Variants in ASB2 observed in about 807,000 individuals in gnomAD.
The protein encoded by ASB2 is ankyrin repeat and SOCS box protein 2.
ASB2 carries 58 observed loss-of-function variants against 62.4 expected under a neutral mutation model. The observed-to-expected ratio is 0.93, with a 90% confidence interval of 0.75 to 1.16. The LOEUF (loss-of-function observed/expected upper bound fraction) is 1.16, where lower values mean the gene tolerates loss of function less well. ASB2 is among the 50% of genes most tolerant of loss of function. The probability of loss-of-function intolerance (pLI) is 0.00; values close to 1 mark genes in which losing one functional copy is unlikely to be tolerated. For missense variants in ASB2, 928 were observed against 887.9 expected, an observed-to-expected ratio of 1.05 and a Z score of -0.57; for synonymous variants, 386 against 385.3, an observed-to-expected ratio of 1.00 and a Z score of -0.02.
chr14:93,966,368 A>T (rs1209298179), intron 1 of ASB2, among the ~76,000 whole-genome samples: 1 of 152,202 alleles, frequency 6.6e-6, no homozygotes, highest in Non-Finnish European at 1.5e-5. Flanking sequence ...AGTTTTATCC[A>T]AAGAGTTATA....
At chr14:93,938,163 T>A (rs1888341299) in intron 8 of ASB2, among the ~76,000 whole-genome samples, 1 of 151,072 alleles carries the variant, frequency 6.6e-6, no homozygotes, top group South Asian at 2.1e-4. Flanking sequence ...AGCCCATGAA[T>A]GATCGCCATT....
Position 93,934,726 on chromosome 14 carries a change from A to C in ASB2, c.1838T>G (p.Ile613Arg), listed in dbSNP as rs537926140. 6.2e-7 allele frequency: 1 copy of C among 1,614,008 alleles called. No individual in the cohort carries two copies. Among genetic ancestry groups the C allele is most frequent in the Admixed American group, 1.7e-5 (1 of 60,020 alleles). ...RVRKAIGKYRIKLLDTLPLPG... is the reference protein window; with the variant it reads ...RVRKAIGKYRRKLLDTLPLPG... ...GAGCGGCAAGGTGTCTAGGAGTTTT[A>C]TACGGTATTTCCCAATGGCCTTTCG... The change falls in exon 10 of 10, where the codon ATA becomes AGA. Residue 613 changes from isoleucine (I) to arginine (R), a missense_variant. Coordinates refer to ENST00000555019, the MANE Select transcript of ASB2 (RefSeq NM_001202429.2).
chr14:93,956,525 G>C (rs560522834), intron 3 of ASB2, among the ~76,000 whole-genome samples: 3 of 151,956 alleles, frequency 2.0e-5, no homozygotes, highest in Non-Finnish European at 4.4e-5. Context: ...GCATCTGAGG[G>C]GGGGATCACC....
intron 2 of ASB2, chr14:93,957,084 G>C: frequency 6.9e-7 from 1 of 1,440,214 alleles, no homozygotes; most frequent in Non-Finnish European, 9.1e-7. Context: ...AGGAAGCCCT[G>C]GGAGATTTAA....
intron 6 of ASB2, among the ~76,000 whole-genome samples, chr14:93,950,216 G>A (rs147318541): frequency 1.2e-3 from 189 of 152,338 alleles, no homozygotes; most frequent in Middle Eastern, 0.01. Context: ...CAGCCTCAGC[G>A]TCTGGATTAC....
Position 93,967,175 on chromosome 14 carries a change from G to C in ASB2, c.-73-2563C>G, listed in dbSNP as rs575114429. Among the ~76,000 whole-genome samples the C allele has an allele frequency of 1.9e-3, 296 of 152,294 alleles. 2 individuals carry two copies. Among genetic ancestry groups the C allele is most frequent in the African/African-American group, 6.8e-3 (281 of 41,572 alleles). On this transcript the variant is annotated intron_variant, in intron 1 of 9. Coordinates refer to ENST00000555019, the MANE Select transcript of ASB2 (RefSeq NM_001202429.2). ...TCCTCTGGCCCTTGTACTGGCAGGA[G>C]GTACCTGTGCAGCTGGGTGGAGCCC... is the stretch of plus-strand genomic sequence containing the variant.
intron 9 of ASB2, among the ~76,000 whole-genome samples, chr14:93,936,440 G>C (rs1317810259): frequency 1.3e-5 from 2 of 152,218 alleles, no homozygotes; most frequent in African/African-American, 4.8e-5. Context: ...CCTAGGCATA[G>C]ACTGCTCCAC....
intron 7 of ASB2, among the ~76,000 whole-genome samples, chr14:93,944,490 G>A (rs1481335438): frequency 6.6e-6 from 1 of 152,236 alleles, no homozygotes; most frequent in East Asian, 1.9e-4. Flanking sequence ...GATGGCCAGG[G>A]TGTGTTGGCA....
intron 7 of ASB2, among the ~76,000 whole-genome samples, chr14:93,946,635 C>T (rs999849299): frequency 6.6e-6 from 1 of 152,218 alleles, no homozygotes; most frequent in Admixed American, 6.5e-5. Context: ...TCTGTCTCCA[C>T]AGGAGCCATG....
chr14:93,957,248 C>T, intron 2 of ASB2: 2 of 1,197,186 alleles, frequency 1.7e-6, no homozygotes, highest in Non-Finnish European at 1.0e-6. Flanking sequence ...GAAAGGGGCT[C>T]AGGCTCACTG....
intron 7 of ASB2, among the ~76,000 whole-genome samples, chr14:93,944,397 C>T (rs1036619008): frequency 6.6e-6 from 1 of 152,262 alleles, no homozygotes; most frequent in African/African-American, 2.4e-5. Context: ...GCATGTCACC[C>T]CTTGCGGTTA....
At chr14:93,952,026 G>T (rs1026956662) in intron 5 of ASB2, among the ~76,000 whole-genome samples, 12 of 152,224 alleles carry the variant, frequency 7.9e-5, no homozygotes, top group African/African-American at 2.9e-4. Context: ...AGCCCTGGAA[G>T]CTTCTCTGTG....
chr14:93,953,637 T>C, intron 4 of ASB2, 130 bp from the exon 5 acceptor site: 2 of 785,680 alleles, frequency 2.5e-6, no homozygotes, highest in South Asian at 2.3e-5. Flanking sequence ...AACTACAGAC[T>C]GCATTCATCT....
intron 5 of ASB2, among the ~76,000 whole-genome samples, chr14:93,951,758 G>A (rs11850693): frequency 0.057 from 8,744 of 152,320 alleles, 828 homozygotes; most frequent in African/African-American, 0.2. Flanking sequence ...AAGGCTGGAA[G>A]AATCTTTCTA....
chr14:93,944,164 C>T (rs1888637301), intron 7 of ASB2: 1 of 362,842 alleles, frequency 2.8e-6, no homozygotes, highest in South Asian at 2.1e-5. Context: ...GCCCAGGCAT[C>T]AGGGTTTCTG....
chr14:93,960,066 A>G (rs888642659), intron 2 of ASB2, among the ~76,000 whole-genome samples: 3 of 152,160 alleles, frequency 2.0e-5, no homozygotes, highest in African/African-American at 4.8e-5. Context: ...AGCACTTGTT[A>G]TAACAGGCAC....
At chr14:93,959,791 G>A (rs2141306347) in intron 2 of ASB2, among the ~76,000 whole-genome samples, 1 of 152,078 alleles carries the variant, frequency 6.6e-6, no homozygotes, top group South Asian at 2.1e-4. Flanking sequence ...GTGAGTCAAT[G>A]GATGGCTGCT....
chr14:93,957,650 T>C (rs1349530906), intron 2 of ASB2, among the ~76,000 whole-genome samples: 1 of 152,174 alleles, frequency 6.6e-6, no homozygotes, highest in Non-Finnish European at 1.5e-5. Flanking sequence ...TAGTGGAGTG[T>C]GAGGCACAGA....
intron 1 of ASB2, among the ~76,000 whole-genome samples, 156 bp from the exon 2 acceptor site, chr14:93,964,768 T>TATCC (rs34475911): frequency 0.66 from 99,289 of 150,866 alleles, 34,589 homozygotes; most frequent in East Asian, 0.98. Context: ...TCCATCTATA[T>TATCC]ATCCATCCAT....
Sources: allele counts gnomAD v4.1 joint callset (sites outside exome capture counted in the v4.1 genomes callset), GRCh38; gene constraint gnomAD v4.1.1; transcripts MANE v1.5; gene names NCBI Gene and HGNC (gene_info 2026-07-23, HGNC 2026-07-21).